The following CLSTN2 variants were observed in gnomAD, a reference collection of about 807,000 sequenced individuals.
The protein encoded by CLSTN2 is calsyntenin 2.
In CLSTN2, 48 loss-of-function variants were observed where a neutral mutation model predicts 101.2. The ratio of observed to expected loss-of-function variants is 0.47; its 90% CI spans 0.38 to 0.60. The LOEUF is 0.60. Among genes scored for constraint, CLSTN2 ranks in the 20% least tolerant of loss-of-function variants. CLSTN2 has a pLI of 0.00. For missense variants in CLSTN2, 1,160 were observed against 1,238.2 expected, an observed-to-expected ratio of 0.94 and a Z score of 0.95; for synonymous variants, 481 against 463.6, an observed-to-expected ratio of 1.04 and a Z score of -0.48.
chr3:140,031,149 G>A (rs752452937), intron 1 of CLSTN2, among the ~76,000 whole-genome samples: 2 of 152,114 alleles, frequency 1.3e-5, no homozygotes, highest in Non-Finnish European at 2.9e-5. Flanking sequence ...AAAACTGGCA[G>A]CAGTTTTCCT....
intron 12 of CLSTN2, among the ~76,000 whole-genome samples, chr3:140,560,577 A>G (rs965549718): frequency 0.028 from 1 of 36 alleles, no homozygotes; most frequent in Non-Finnish European, 0.045. Context: ...TTATTAAACC[A>G]GACCAGGAGG....
chr3:140,152,904 C>T (rs1374702297), intron 1 of CLSTN2, among the ~76,000 whole-genome samples: 1 of 152,144 alleles, frequency 6.6e-6, no homozygotes, highest in Non-Finnish European at 1.5e-5. Flanking sequence ...GTGTGCAAGC[C>T]CTGAGGACAG....
intron 1 of CLSTN2, among the ~76,000 whole-genome samples, chr3:140,131,009 ACCAGGG>A (rs1201135615): frequency 6.6e-6 from 1 of 152,084 alleles, no homozygotes; most frequent in Non-Finnish European, 1.5e-5. Flanking sequence ...GGAAAAACAT[ACCAGGG>A]CCATGTTTTC....
At chr3:140,525,684 T>C (rs1935122363) in intron 8 of CLSTN2, among the ~76,000 whole-genome samples, 1 of 152,066 alleles carries the variant, frequency 6.6e-6, no homozygotes, top group Non-Finnish European at 1.5e-5. Context: ...CCCAATGAAA[T>C]ACTAGCAAAC....
At chr3:140,556,449 G>A (rs1935792481) in intron 10 of CLSTN2, 64 bp from the exon 11 acceptor site, 4 of 1,541,276 alleles carry the variant, frequency 2.6e-6, no homozygotes, top group Non-Finnish European at 3.6e-6. Context: ...GACAGGAAGT[G>A]CTCCCATAAA....
Position 140,075,597 on chromosome 3 carries a change from T to C in CLSTN2, c.110-100354T>C, listed in dbSNP as rs189433118. On this transcript the variant is annotated intron_variant, in intron 1 of 16. Transcript: ENST00000458420. ...CTCATTATCTCTGCTCCTTATGCCA[T>C]CCCTGCTCAGGTGGTGTCAATTTCT... Among the ~76,000 whole-genome samples the C allele has an allele frequency of 3.2e-4, 48 of 152,328 alleles. No individual in the cohort carries two copies. In the East Asian group the frequency reaches 8.9e-3, roughly 28 times the overall value.
intron 9 of CLSTN2, among the ~76,000 whole-genome samples, chr3:140,536,575 A>T (rs77833931): frequency 0.054 from 8,239 of 152,252 alleles, 383 homozygotes; most frequent in African/African-American, 0.12. Flanking sequence ...TAATCAGAAG[A>T]CAGGTATTGG....
At chr3:140,220,000 C>T (rs1559809890) in intron 2 of CLSTN2, among the ~76,000 whole-genome samples, 2 of 152,180 alleles carry the variant, frequency 1.3e-5, no homozygotes, top group African/African-American at 4.8e-5. Context: ...GGAAGAAGAA[C>T]TGGCTTAGGT....
At chr3:140,036,117 G>C (rs969921425) in intron 1 of CLSTN2, among the ~76,000 whole-genome samples, 5 of 152,182 alleles carry the variant, frequency 3.3e-5, no homozygotes, top group African/African-American at 1.2e-4. Context: ...AGCTCTGCAG[G>C]GGCAGGGGCA....
chr3:140,272,095 G>T (rs1292401080), intron 2 of CLSTN2, among the ~76,000 whole-genome samples: 1 of 152,154 alleles, frequency 6.6e-6, no homozygotes, highest in East Asian at 1.9e-4. Context: ...GTCAAGAAGG[G>T]GCAATACAAG....
intron 1 of CLSTN2, among the ~76,000 whole-genome samples, chr3:140,068,477 C>T (rs2008336826): frequency 6.6e-6 from 1 of 152,226 alleles, no homozygotes; most frequent in African/African-American, 2.4e-5. Flanking sequence ...TGCAAATGGA[C>T]TTGAAAGAAT....
chr3:140,334,119 T>A (rs780911661), intron 2 of CLSTN2, among the ~76,000 whole-genome samples: 1 of 152,152 alleles, frequency 6.6e-6, no homozygotes, highest in African/African-American at 2.4e-5. Flanking sequence ...AGTTTCCTCA[T>A]CTACAAAATG....
chr3:140,539,664 T>A (rs1409945508), intron 9 of CLSTN2, among the ~76,000 whole-genome samples: 2 of 152,174 alleles, frequency 1.3e-5, no homozygotes, highest in African/African-American at 2.4e-5. Flanking sequence ...CAAGTCTGAG[T>A]TGTACGCAGC....
intron 1 of CLSTN2, among the ~76,000 whole-genome samples, chr3:140,111,625 A>G (rs2009157584): frequency 6.6e-6 from 1 of 152,158 alleles, no homozygotes; most frequent in Non-Finnish European, 1.5e-5. Context: ...CTCCTGATCG[A>G]CAACACATCA....
At chr3:140,474,252 G>GT (rs1933926563) in intron 8 of CLSTN2, among the ~76,000 whole-genome samples, 1 of 152,076 alleles carries the variant, frequency 6.6e-6, no homozygotes, top group Non-Finnish European at 1.5e-5. Flanking sequence ...TTCTGAAGAG[G>GT]TGTGTAGGCT....
chr3:140,042,498 T>G (rs1017821338), intron 1 of CLSTN2, among the ~76,000 whole-genome samples: 1 of 152,222 alleles, frequency 6.6e-6, no homozygotes, highest in South Asian at 2.1e-4. Flanking sequence ...CTAGCCCAGA[T>G]GCTTAATGAC....
intron 1 of CLSTN2, among the ~76,000 whole-genome samples, chr3:139,985,471 G>T (rs11923151): frequency 0.19 from 28,246 of 152,036 alleles, 3,021 homozygotes; most frequent in Admixed American, 0.31. Flanking sequence ...GTCCTTTGGG[G>T]TCTCTAGATT....
rs1408041885 is a variant in CLSTN2 at position 140,389,334 on chromosome 3, C to A, written c.233-14295C>A. ...CCCCAGTGTGTGTTGTTCCCCTCCC[C>A]ATGTCCATGTGTTCTCATTGTTCAG... On this transcript the variant is annotated intron_variant, in intron 2 of 16. Coordinates refer to ENST00000458420, the MANE Select transcript of CLSTN2 (RefSeq NM_022131.3). Among the ~76,000 whole-genome samples the A allele has an allele frequency of 1.4e-4, 22 of 152,136 alleles. 1 individual carries two copies. The highest frequency in any genetic ancestry group is 1.4e-3 in the Admixed American group (22 of 15,270).
intron 8 of CLSTN2, among the ~76,000 whole-genome samples, chr3:140,489,954 G>A (rs545098316): frequency 8.2e-4 from 120 of 145,498 alleles, no homozygotes; most frequent in Non-Finnish European, 1.4e-3. Context: ...CTATAGGAGT[G>A]AGCAGCCCAG....
Sources: gnomAD v4.1 joint callset for allele counts (sites outside exome capture counted in the v4.1 genomes callset) on GRCh38, gnomAD v4.1.1 for gene constraint, MANE v1.5 for transcripts, NCBI Gene and HGNC (gene_info 2026-07-23, HGNC 2026-07-21) for gene names.